Variants in THSD4 observed in about 807,000 individuals in gnomAD.
THSD4 encodes the protein thrombospondin type 1 domain containing 4.
THSD4 carries 69 observed loss-of-function variants against 119.0 expected under a neutral mutation model. That is an observed-to-expected ratio of 0.58 (90% CI 0.48 to 0.71). The LOEUF (loss-of-function observed/expected upper bound fraction) is 0.71. Among genes scored for constraint, THSD4 ranks in the 30% least tolerant of loss-of-function variants. THSD4 has a pLI of 0.00. For synonymous variants in THSD4, 524 were observed against 540.4 expected (o/e 0.97, Z 0.42); for missense variants, 1,393 against 1,391.1 (o/e 1.00, Z -0.02).
At chr15:71,746,281 A>G (rs540745979) in intron 12 of THSD4, among the ~76,000 whole-genome samples, 3 of 152,272 alleles carry the variant, frequency 2.0e-5, no homozygotes, top group South Asian at 2.1e-4. Context: ...TCAGTTTTCT[A>G]TAACTTTTCA....
intron 6 of THSD4, among the ~76,000 whole-genome samples, chr15:71,410,668 A>G (rs1372333812): frequency 6.6e-6 from 1 of 152,202 alleles, no homozygotes; most frequent in Admixed American, 6.5e-5. Flanking sequence ...TAATGGAGGA[A>G]TTATTACAGG....
At chr15:71,756,399 T>C (rs1017842344) in intron 14 of THSD4, among the ~76,000 whole-genome samples, 2 of 151,688 alleles carry the variant, frequency 1.3e-5, no homozygotes, top group African/African-American at 2.4e-5. Context: ...ATCAGAAAAA[T>C]AAAAGGAGGA....
chr15:71,210,355 CTAAA>C (rs1392514253), intron 3 of THSD4, among the ~76,000 whole-genome samples: 1 of 152,118 alleles, frequency 6.6e-6, no homozygotes. Flanking sequence ...TATTCTGTTA[CTAAA>C]TAAATAGTTG....
rs2046694659 is a variant in THSD4, at chr15:71,411,892, C to T, written c.1152+69C>T. ...TGTGACTGCTGACTCCATTGTTTTC[C>T]AGGGAGAGACTAGGCTGCTAGCTCC... On this transcript the variant is annotated intron_variant, in intron 7 of 17. Coordinates refer to ENST00000261862, the MANE Select transcript of THSD4 (RefSeq NM_024817.3). The T allele has an allele frequency of 3.8e-6, 6 of 1,591,462 alleles. No homozygotes were observed. In the South Asian group the frequency reaches 5.6e-5, roughly 15 times the overall value.
chr15:71,398,431 T>TG (rs1410710133), intron 6 of THSD4, among the ~76,000 whole-genome samples: 1 of 152,010 alleles, frequency 6.6e-6, no homozygotes, highest in Non-Finnish European at 1.5e-5. Context: ...GCAGGAAACT[T>TG]GGAGTCAGGG....
chr15:71,611,645 T>C (rs1567062064), intron 7 of THSD4, among the ~76,000 whole-genome samples: 1 of 152,204 alleles, frequency 6.6e-6, no homozygotes, highest in Non-Finnish European at 1.5e-5. Context: ...CGATTAATGT[T>C]ATGTGCAGAG....
At chr15:71,159,064 A>G (rs1410543278) in intron 3 of THSD4, among the ~76,000 whole-genome samples, 2 of 152,086 alleles carry the variant, frequency 1.3e-5, no homozygotes, top group Middle Eastern at 3.2e-3. Flanking sequence ...TCCCAGCATT[A>G]TTTATTGAAG....
Position 71,255,525 on chromosome 15 carries a change from A to G in THSD4, c.913-1088A>G, listed in dbSNP as rs572344946. Among the ~76,000 whole-genome samples the G allele has an allele frequency of 5.9e-5, 9 of 152,342 alleles. No individual in the cohort carries two copies. In the East Asian group the frequency reaches 1.7e-3, roughly 29 times the overall value. On this transcript the variant is annotated intron_variant, in intron 5 of 17. Transcript: ENST00000261862. ...CTGGATCTTATCCCAGATTTACTGA[A>G]TAATAATCCTTAAGGGAGGGATCCA...
At chr15:71,394,955 G>A (rs908980491) in intron 6 of THSD4, among the ~76,000 whole-genome samples, 1 of 152,196 alleles carries the variant, frequency 6.6e-6, no homozygotes, top group Non-Finnish European at 1.5e-5. Context: ...TAGGTCTGGA[G>A]CTCAATGCTG....
chr15:71,327,178 A>G (rs1236946393), intron 6 of THSD4, among the ~76,000 whole-genome samples: 2 of 152,096 alleles, frequency 1.3e-5, no homozygotes, highest in Non-Finnish European at 2.9e-5. Context: ...AAAACAAAAC[A>G]AAAAACCAGC....
intron 8 of THSD4, among the ~76,000 whole-genome samples, chr15:71,693,511 G>A (rs1216250402): frequency 2.0e-5 from 3 of 152,154 alleles, no homozygotes; most frequent in Non-Finnish European, 4.4e-5. Flanking sequence ...GCCAGGTGTT[G>A]TAGTGCACAC....
chr15:71,742,263 A>G (rs1165992597), intron 11 of THSD4, among the ~76,000 whole-genome samples: 1 of 152,244 alleles, frequency 6.6e-6, no homozygotes, highest in Non-Finnish European at 1.5e-5. Context: ...TGATATCACC[A>G]TCTCAGGGAA....
At chr15:71,388,946 G>A (rs2140464299) in intron 6 of THSD4, among the ~76,000 whole-genome samples, 1 of 152,228 alleles carries the variant, frequency 6.6e-6, no homozygotes, top group South Asian at 2.1e-4. Flanking sequence ...TCTCATGGTA[G>A]TGAATAAGTC....
At chr15:71,745,749 A>T (rs1210205360) in intron 12 of THSD4, among the ~76,000 whole-genome samples, 2 of 152,160 alleles carry the variant, frequency 1.3e-5, no homozygotes, top group African/African-American at 4.8e-5. Flanking sequence ...GATTCAAGCA[A>T]TTCTCCTGCA....
chr15:71,326,906 G>A (rs969151561), intron 6 of THSD4, among the ~76,000 whole-genome samples: 9 of 150,020 alleles, frequency 6.0e-5, no homozygotes, highest in Non-Finnish European at 8.9e-5. Flanking sequence ...GGTGGCTCAC[G>A]CCTGTAATCC....
At chr15:71,563,938 G>A (rs2049175132) in intron 7 of THSD4, among the ~76,000 whole-genome samples, 1 of 152,054 alleles carries the variant, frequency 6.6e-6, no homozygotes, top group Non-Finnish European at 1.5e-5. Flanking sequence ...GGGGTGTGGG[G>A]GTGGGCTTTT....
intron 6 of THSD4, among the ~76,000 whole-genome samples, chr15:71,373,074 G>C (rs367725926): frequency 2.0e-5 from 3 of 152,222 alleles, no homozygotes; most frequent in African/African-American, 7.2e-5. Context: ...GAGATTCTAA[G>C]ACTGGTCTAA....
In THSD4 at chr15:71,391,020, C is replaced by G. The variant is rs555209077; in HGVS notation, c.1016-20667C>G. Among the ~76,000 whole-genome samples the G allele has an allele frequency of 1.7e-4, 23 of 136,694 alleles. No homozygotes were observed. In the South Asian group the frequency reaches 5.5e-3, roughly 33 times the overall value. 89.7% of individuals were successfully genotyped at this position (136,694 alleles called of 152,430 possible). ...AGACTACAGGCATAAGCCACCATGCCGGCTAATTTTTTTTTTTTTTTTTTC... is the reference window on the plus strand; with the variant it reads ...AGACTACAGGCATAAGCCACCATGCGGGCTAATTTTTTTTTTTTTTTTTTC... On this transcript the variant is annotated intron_variant, in intron 6 of 17. Transcript: ENST00000261862.
chr15:71,588,425 A>G (rs1488469668), intron 7 of THSD4, among the ~76,000 whole-genome samples: 1 of 148,702 alleles, frequency 6.7e-6, no homozygotes, highest in African/African-American at 2.5e-5. Flanking sequence ...TTTTTAATTT[A>G]TTTATTTATT....
Sources: allele counts gnomAD v4.1 joint callset (sites outside exome capture counted in the v4.1 genomes callset), GRCh38; gene constraint gnomAD v4.1.1; transcripts MANE v1.5; gene names NCBI Gene and HGNC (gene_info 2026-07-23, HGNC 2026-07-21).